TFDP2: variants seen among roughly 807,000 people sequenced by gnomAD.
The protein encoded by TFDP2 is transcription factor Dp-2 (E2F dimerization partner 2).
TFDP2 carries 17 observed loss-of-function variants against 59.3 expected under a neutral mutation model. That is an observed-to-expected ratio of 0.29 (90% confidence interval 0.20 to 0.43). TFDP2 has a LOEUF of 0.43. Among genes scored for constraint, TFDP2 ranks in the 20% least tolerant of loss-of-function variants. The pLI, the probability that TFDP2 is intolerant of heterozygous loss-of-function variation, is 1.00. For synonymous variants in TFDP2, 180 were observed against 194.7 expected (o/e 0.92, Z 0.63); for missense variants, 391 against 528.8 (o/e 0.74, Z 2.56).
At chr3:141,956,259 T>C (rs973096740) in intron 11 of TFDP2, among the ~76,000 whole-genome samples, 2 of 152,172 alleles carry the variant, frequency 1.3e-5, no homozygotes, top group African/African-American at 4.8e-5. Flanking sequence ...ACTTTACAAC[T>C]CTATAAAAAG....
At chr3:142,052,938 T>C (rs950790229) in intron 3 of TFDP2, among the ~76,000 whole-genome samples, 9 of 152,034 alleles carry the variant, frequency 5.9e-5, no homozygotes, top group Admixed American at 1.3e-4. Flanking sequence ...GCCTCCCTAG[T>C]AGCTGGGACT....
intron 2 of TFDP2, among the ~76,000 whole-genome samples, chr3:142,099,306 T>C (rs2061253925): frequency 6.6e-6 from 1 of 152,204 alleles, no homozygotes; most frequent in African/African-American, 2.4e-5. Flanking sequence ...CACCTTTTTG[T>C]TGGAGAATCC....
intron 4 of TFDP2, among the ~76,000 whole-genome samples, chr3:142,003,240 C>A (rs887605803): frequency 6.6e-6 from 1 of 152,064 alleles, no homozygotes; most frequent in Non-Finnish European, 1.5e-5. Context: ...ACCTCGTGAT[C>A]CACCCACCTT....
At chr3:142,135,026 G>A (rs559565151) in intron 1 of TFDP2, among the ~76,000 whole-genome samples, 23 of 152,170 alleles carry the variant, frequency 1.5e-4, no homozygotes, top group African/African-American at 4.1e-4. Flanking sequence ...AAGTACAATC[G>A]TTTTTCCAGA....
chr3:142,042,299 CT>C (rs1315557168), intron 3 of TFDP2, among the ~76,000 whole-genome samples: 54 of 146,486 alleles, frequency 3.7e-4, no homozygotes, highest in Admixed American at 4.1e-4. Flanking sequence ...AATAGTGTTT[CT>C]TTTTTTTTTT....
intron 9 of TFDP2, among the ~76,000 whole-genome samples, chr3:141,965,737 T>C (rs76948872): frequency 0.075 from 11,355 of 152,088 alleles, 537 homozygotes; most frequent in Non-Finnish European, 0.11. Context: ...CACCAATTTA[T>C]TGTAGACCTA....
chr3:142,001,916 TACAGC>T (rs1444458285), intron 4 of TFDP2, among the ~76,000 whole-genome samples: 1 of 152,082 alleles, frequency 6.6e-6, no homozygotes, highest in Non-Finnish European at 1.5e-5. Flanking sequence ...TCAGGGTCAC[TACAGC>T]CTTGGACTCT....
At chr3:141,970,352 A>G (rs1939531191) in intron 8 of TFDP2, among the ~76,000 whole-genome samples, 1 of 152,240 alleles carries the variant, frequency 6.6e-6, no homozygotes, top group African/African-American at 2.4e-5. Context: ...CTGTCATTAA[A>G]AATGAAATCA....
chr3:142,043,134 C>T (rs1307179529), intron 3 of TFDP2, among the ~76,000 whole-genome samples: 1 of 151,784 alleles, frequency 6.6e-6, no homozygotes, highest in Non-Finnish European at 1.5e-5. Context: ...GCAAGCTCCG[C>T]CTCCCGGGTT....
chr3:142,088,454 C>A (rs1375349499), intron 3 of TFDP2, among the ~76,000 whole-genome samples: 1 of 151,818 alleles, frequency 6.6e-6, no homozygotes, highest in Non-Finnish European at 1.5e-5. Flanking sequence ...TCTCTGCCAC[C>A]CGAGTAGCTG....
At chr3:142,013,973 C>A (rs1488016020) in intron 3 of TFDP2, among the ~76,000 whole-genome samples, 5 of 152,028 alleles carry the variant, frequency 3.3e-5, no homozygotes, top group Non-Finnish European at 5.9e-5. Flanking sequence ...ACCTTCTTCA[C>A]CCAAGCCTAC....
chr3:142,010,572 G>T, intron 3 of TFDP2, among the ~76,000 whole-genome samples: 1 of 126,250 alleles, frequency 7.9e-6, no homozygotes. Context: ...TCGCGCTAAT[G>T]AACTCCAGCC....
At chr3:141,985,446 G>C (rs1941978541) in intron 6 of TFDP2, among the ~76,000 whole-genome samples, 1 of 146,610 alleles carries the variant, frequency 6.8e-6, no homozygotes, top group Non-Finnish European at 1.5e-5. Context: ...CTTGTGCCTA[G>C]GAGGTCAAGG....
chr3:142,135,682 G>T (rs11711629), intron 1 of TFDP2, among the ~76,000 whole-genome samples: 2 of 152,032 alleles, frequency 1.3e-5, no homozygotes, highest in African/African-American at 4.8e-5. Context: ...GTGATAGTTT[G>T]CTCAGAATGA....
rs11569276 is a variant in TFDP2 at position 141,959,076 on chromosome 3, C to T, written c.1051+598G>A. On this transcript the variant is annotated intron_variant, in intron 11 of 12. Coordinates refer to ENST00000489671, the MANE Select transcript of TFDP2 (RefSeq NM_001178139.2). ...CAAGTGATTCTCCTGCCTCAGCCTC[C>T]TGAGTAGCTGGGATTACAGATATGT... Among the ~76,000 whole-genome samples, 273 of 151,642 alleles carry T rather than the reference C, an allele frequency of 1.8e-3. 1 individual carries two copies. The highest frequency in any genetic ancestry group is 6.3e-3 in the African/African-American group (261 of 41,290).
chr3:142,116,012 TG>T (rs372436794), intron 1 of TFDP2, among the ~76,000 whole-genome samples: 32 of 152,198 alleles, frequency 2.1e-4, no homozygotes, highest in African/African-American at 7.7e-4. Context: ...TGTTACCACT[TG>T]GGGGAAGTTG....
At chr3:142,065,534 C>T (rs918611804) in intron 3 of TFDP2, among the ~76,000 whole-genome samples, 1 of 148,926 alleles carries the variant, frequency 6.7e-6, no homozygotes, top group Non-Finnish European at 1.5e-5. Flanking sequence ...GTGTTTGAGA[C>T]AGAGTCTCAC....
intron 10 of TFDP2, among the ~76,000 whole-genome samples, chr3:141,960,963 G>C (rs1006435483): frequency 6.6e-6 from 1 of 152,138 alleles, no homozygotes; most frequent in African/African-American, 2.4e-5. Context: ...TCCACTCAAA[G>C]GAAGGCCAAG....
At chr3:142,015,089 C>T (rs1419286136) in intron 3 of TFDP2, among the ~76,000 whole-genome samples, 1 of 152,186 alleles carries the variant, frequency 6.6e-6, no homozygotes, top group African/African-American at 2.4e-5. Flanking sequence ...ATCCAAGCCA[C>T]CATTTTCTCC....
Sources: allele counts gnomAD v4.1 joint callset (sites outside exome capture counted in the v4.1 genomes callset), GRCh38; gene constraint gnomAD v4.1.1; transcripts MANE v1.5; gene names NCBI Gene and HGNC (gene_info 2026-07-23, HGNC 2026-07-21).